The following TRIM44 variants were observed in gnomAD, a reference collection of about 807,000 sequenced individuals.
TRIM44 encodes the protein tripartite motif containing 44, also known as tripartite motif-containing protein 44.
TRIM44 carries 13 observed loss-of-function variants against 37.4 expected under a neutral mutation model. The ratio of observed to expected loss-of-function variants is 0.35; its 90% confidence interval spans 0.23 to 0.55. The LOEUF is 0.55. TRIM44 is among the 20% of genes least tolerant of loss of function. The pLI is 0.89. For synonymous variants in TRIM44, 175 were observed against 157.2 expected, an observed-to-expected ratio of 1.11 and a Z score of -0.85; for missense variants, 426 against 437.2, an observed-to-expected ratio of 0.97 and a Z score of 0.23.
At chr11:35,780,310 A>G (rs1853046452) in intron 4 of TRIM44, among the ~76,000 whole-genome samples, 1 of 152,208 alleles carries the variant, frequency 6.6e-6, no homozygotes. Context: ...TAAGAAGAGA[A>G]GAATAAATCT....
intron 2 of TRIM44, among the ~76,000 whole-genome samples, chr11:35,719,192 T>TCC (rs1852072511): frequency 6.6e-6 from 1 of 152,138 alleles, no homozygotes; most frequent in South Asian, 2.1e-4. Flanking sequence ...CATTTTGCAT[T>TCC]CCCACCGCAA....
intron 4 of TRIM44, among the ~76,000 whole-genome samples, chr11:35,754,868 T>C (rs1327992769): frequency 3.3e-5 from 5 of 152,154 alleles, no homozygotes; most frequent in Admixed American, 6.5e-5. Context: ...TATTCCATGG[T>C]GTATATGTGC....
At position 35,813,818 on chromosome 11, in the gene TRIM44, C is replaced by T. The variant is rs1199540006; in HGVS notation, c.*7433C>T. The T allele has an allele frequency of 1.3e-5, 2 of 151,824 alleles. No individual in the cohort carries two copies. The highest frequency in any genetic ancestry group is 6.6e-5 in the Admixed American group (1 of 15,244). 9.4% of individuals were successfully genotyped at this position (151,824 alleles called of 1,614,324 possible). ...GAATTAAAAGGAATAAACCTTTGAC[C>T]ATCCAGAATATTTAGCTAAATCAAA... On this transcript the variant is annotated 3_prime_UTR_variant, in exon 5 of 5. Transcript: ENST00000299413.
At chr11:35,725,583 G>T (rs1004013613) in intron 2 of TRIM44, among the ~76,000 whole-genome samples, 1 of 151,948 alleles carries the variant, frequency 6.6e-6, no homozygotes, top group African/African-American at 2.4e-5. Flanking sequence ...TGATCCAGCC[G>T]CCTTGGCCTC....
At chr11:35,665,891 T>C (rs751725277) in intron 1 of TRIM44, among the ~76,000 whole-genome samples, 6 of 151,872 alleles carry the variant, frequency 4.0e-5, no homozygotes, top group Non-Finnish European at 7.4e-5. Context: ...CCCAGCTATA[T>C]ATTTGTTTCT....
intron 4 of TRIM44, among the ~76,000 whole-genome samples, chr11:35,800,583 C>T (rs1308767966): frequency 1.3e-5 from 2 of 152,198 alleles, no homozygotes; most frequent in Non-Finnish European, 2.9e-5. Context: ...CAGAAAAGTT[C>T]TCCAACTTCC....
At chr11:35,764,324 G>A (rs1852765278) in intron 4 of TRIM44, among the ~76,000 whole-genome samples, 1 of 152,166 alleles carries the variant, frequency 6.6e-6, no homozygotes, top group South Asian at 2.1e-4. Flanking sequence ...AAGCAGATTA[G>A]GATGGAATTG....
chr11:35,756,737 G>T (rs1207505970), intron 4 of TRIM44, among the ~76,000 whole-genome samples: 2 of 152,120 alleles, frequency 1.3e-5, no homozygotes, highest in African/African-American at 2.4e-5. Context: ...TTTTGTCAAA[G>T]GCCTTTTCTG....
intron 4 of TRIM44, among the ~76,000 whole-genome samples, chr11:35,755,818 T>C (rs1852629716): frequency 6.6e-6 from 1 of 152,244 alleles, no homozygotes; most frequent in Admixed American, 6.5e-5. Flanking sequence ...TAGTTGTAGA[T>C]ATGCGGCGTT....
At position 35,663,021 on chromosome 11, in the gene TRIM44, G is replaced by A; in HGVS notation, c.-91G>A. 1 of 1,434,614 alleles carries A rather than the reference G, an allele frequency of 7.0e-7. No individual in the cohort carries two copies. The highest frequency in any genetic ancestry group is 9.1e-7 in the Non-Finnish European group (1 of 1,100,002). The allele number at this position is 1,434,614 out of a possible 1,614,324, so 88.9% of individuals were successfully genotyped here. ...AGGCGGGAGGCGACTCCCTAGGAAG[G>A]GACCCGGGGCGGGAGGAGGAAGTGA... On this transcript the variant is annotated 5_prime_UTR_variant, in exon 1 of 5. Transcript: ENST00000299413.
At chr11:35,693,853 G>T (rs1851664943) in intron 2 of TRIM44, among the ~76,000 whole-genome samples, 1 of 152,102 alleles carries the variant, frequency 6.6e-6, no homozygotes, top group South Asian at 2.1e-4. Context: ...TCTGGAGATG[G>T]CTGTATGCAA....
intron 2 of TRIM44, among the ~76,000 whole-genome samples, chr11:35,722,683 G>A (rs1318819884): frequency 6.6e-6 from 1 of 152,170 alleles, no homozygotes; most frequent in Non-Finnish European, 1.5e-5. Flanking sequence ...GTGGGATTTG[G>A]CCAGCTTCTT....
chr11:35,747,704 C>T lies in TRIM44; in HGVS notation c.1007+12259C>T, dbSNP rs73438968. 3.9e-5 allele frequency among the ~76,000 whole-genome samples: 6 copies of T among 152,250 alleles called. 1 individual carries two copies. The highest frequency in any genetic ancestry group is 1.4e-4 in the African/African-American group (6 of 41,544). On this transcript the variant is annotated intron_variant, in intron 4 of 4. Coordinates refer to ENST00000299413, the MANE Select transcript of TRIM44 (RefSeq NM_017583.6). ...CCTAAGGTGGAATGAACAGGAACTT[C>T]TCTCCCCAGACAGGTAAACATTAGT...
Position 35,683,667 on chromosome 11 carries a change from A to G in TRIM44, c.670-1592A>G, listed in dbSNP as rs1469305189. Among the ~76,000 whole-genome samples, 4 of 152,108 alleles carry G rather than the reference A, an allele frequency of 2.6e-5. No homozygotes were observed. In the East Asian group the frequency reaches 7.7e-4, roughly 29 times the overall value. Reference sequence around the variant, plus strand: ...TTCCTTTCCCTCATTGGTGAAATGAATGTTCCTACCTATCTGATAGAGTTG... The same window carrying G: ...TTCCTTTCCCTCATTGGTGAAATGAGTGTTCCTACCTATCTGATAGAGTTG... On this transcript the variant is annotated intron_variant, in intron 1 of 4. Coordinates refer to ENST00000299413, the MANE Select transcript of TRIM44 (RefSeq NM_017583.6).
intron 2 of TRIM44, among the ~76,000 whole-genome samples, chr11:35,718,280 G>T (rs1852061817): frequency 6.6e-6 from 1 of 151,930 alleles, no homozygotes; most frequent in Non-Finnish European, 1.5e-5. Flanking sequence ...TCCATTTGAT[G>T]GTCACCCCAC....
intron 3 of TRIM44, among the ~76,000 whole-genome samples, chr11:35,730,693 A>G (rs1308215139): frequency 6.6e-6 from 1 of 152,146 alleles, no homozygotes; most frequent in Non-Finnish European, 1.5e-5. Context: ...GAAATGGTTC[A>G]TGGTTTTCAT....
At chr11:35,806,236 C>A in intron 4 of TRIM44, 122 bp from the exon 5 acceptor site, 2 of 1,057,596 alleles carry the variant, frequency 1.9e-6, no homozygotes, top group Non-Finnish European at 2.9e-6. Context: ...ATTGCTCAAT[C>A]ATGGTAGTTA....
chr11:35,805,718 A>G (rs1661744487), intron 4 of TRIM44, among the ~76,000 whole-genome samples: 1 of 152,238 alleles, frequency 6.6e-6, no homozygotes, highest in Non-Finnish European at 1.5e-5. Flanking sequence ...CTATTCTTAT[A>G]TGCTGTAGTC....
At chr11:35,672,066 T>A (rs1264668582) in intron 1 of TRIM44, among the ~76,000 whole-genome samples, 1 of 152,192 alleles carries the variant, frequency 6.6e-6, no homozygotes, top group African/African-American at 2.4e-5. Flanking sequence ...AATTCTTACA[T>A]TGTCAAGGGA....
Sources: allele counts gnomAD v4.1 joint callset (sites outside exome capture counted in the v4.1 genomes callset), GRCh38; gene constraint gnomAD v4.1.1; transcripts MANE v1.5; gene names NCBI Gene and HGNC (gene_info 2026-07-23, HGNC 2026-07-21).